The following FCSK variants were observed in gnomAD, a reference collection of about 807,000 sequenced individuals.
The protein encoded by FCSK is fucose kinase, also known as L-fucose kinase.
FCSK carries 123 observed loss-of-function variants against 122.5 expected under a neutral mutation model. The observed-to-expected ratio is 1.00, with a 90% CI of 0.87 to 1.17. The LOEUF (loss-of-function observed/expected upper bound fraction) is 1.17, where lower values mean the gene tolerates loss of function less well. Ranked by LOEUF, FCSK falls within the 50% of genes most tolerant of loss-of-function variation. The pLI, the probability that FCSK is intolerant of heterozygous loss-of-function variation, is 0.00. For missense variants in FCSK, 1,366 were observed against 1,450.4 expected, an observed-to-expected ratio of 0.94 and a Z score of 0.95; for synonymous variants, 620 against 625.5, an observed-to-expected ratio of 0.99 and a Z score of 0.13.
chr16:70,471,801 G>A (rs528918466), intron 13 of FCSK, among the ~76,000 whole-genome samples: 1 of 148,418 alleles, frequency 6.7e-6, no homozygotes, highest in African/African-American at 2.6e-5. Context: ...GTCTGGTTGG[G>A]TGGGGTTGTT....
chr16:70,470,153 C>G (rs2048564675), intron 10 of FCSK, among the ~76,000 whole-genome samples, 161 bp from the exon 11 acceptor site: 1 of 152,202 alleles, frequency 6.6e-6, no homozygotes, highest in Non-Finnish European at 1.5e-5. Context: ...AACCTGTCTA[C>G]TTTCTAGCTG....
chr16:70,461,203 C>G (rs1157243944), intron 1 of FCSK, among the ~76,000 whole-genome samples: 2 of 152,186 alleles, frequency 1.3e-5, no homozygotes, highest in African/African-American at 4.8e-5. Context: ...GTCACTTTGG[C>G]TGGGGTGTGG....
In FCSK at chr16:70,473,329, C is replaced by T; in HGVS notation, c.1753C>T (p.Pro585Ser). ...WAAVREGCPG[P>S]LLATLDQVAA... ...TGCTGTCCGCGAGGGCTGCCCCGGG[C>T]CCCTGCTGGCCACGCTGGACCAGGG... is the stretch of plus-strand genomic sequence containing the variant. Residue 585 changes from proline (P) to serine (S), a missense_variant, in exon 15 of 24, where the codon CCC (proline) becomes TCC (serine). Pro to Ser is a moderately conservative substitution (Grantham distance 74). Transcript: ENST00000288078. The surrounding 1 kb of genome is among the most constrained non-coding windows in gnomAD (Gnocchi z 4.9). 1 of 1,509,774 alleles carries T rather than the reference C, an allele frequency of 6.6e-7. No individual in the cohort carries two copies. Among genetic ancestry groups the T allele is most frequent in the Non-Finnish European group, 8.9e-7 (1 of 1,125,804 alleles). 93.5% of individuals were successfully genotyped at this position (1,509,774 alleles called of 1,614,324 possible). A position where few individuals can be genotyped will look rare whatever the true frequency, so the allele number is the denominator to read the frequency against.
intron 1 of FCSK, among the ~76,000 whole-genome samples, chr16:70,460,226 C>T (rs144611998): frequency 6.6e-6 from 1 of 151,226 alleles, no homozygotes. Context: ...ATTCTCTTGC[C>T]TCAGCCTCCC....
chr16:70,474,943 A>G lies in FCSK; in HGVS notation c.2309A>G (p.Glu770Gly). Residue 770 changes from glutamate (E) to glycine (G), a missense_variant, in exon 18 of 24, where the codon GAG becomes GGG. Physicochemically the swap from Glu to Gly is moderately conservative, Grantham distance 98. Coordinates refer to ENST00000288078, the MANE Select transcript of FCSK (RefSeq NM_145059.3). The stretch of plus-strand genomic sequence containing the variant: ...CTGGCGGTGGGGCCTCGGCAGGATG[A>G]GATGACTGTGAAGATAGTGTGCCGG... ...LWLAVGPRQD[E>G]MTVKIVCRCL... 1 of 1,611,718 alleles carries G rather than the reference A, an allele frequency of 6.2e-7. No individual in the cohort carries two copies. Among genetic ancestry groups the G allele is most frequent in the Non-Finnish European group, 8.5e-7 (1 of 1,179,360 alleles).
At position 70,469,417 on chromosome 16, in the gene FCSK, C is replaced by A. The variant is rs376700258; in HGVS notation, c.955+94C>A. The A allele has an allele frequency of 3.3e-4, 420 of 1,254,832 alleles. 1 individual carries two copies. In the African/African-American group the frequency reaches 4.2e-3, roughly 12 times the overall value. 77.7% of individuals were successfully genotyped at this position (1,254,832 alleles called of 1,614,324 possible). On this transcript the variant is annotated intron_variant, in intron 10 of 23. Coordinates refer to ENST00000288078, the MANE Select transcript of FCSK (RefSeq NM_145059.3). ...CTCACTGCATGCTGGGCCAGGCAGC[C>A]CAGCACAGGGACTGGGCAGTTCTCC...
Position 70,474,206 on chromosome 16 carries a change from G to C in FCSK, c.1855G>C (p.Glu619Gln), listed in dbSNP as rs2048721061. 6.3e-7 allele frequency: 1 copy of C among 1,586,070 alleles called. No homozygotes were observed. Among genetic ancestry groups the C allele is most frequent in the African/African-American group, 1.3e-5 (1 of 74,492 alleles). ...GGCGGACGTCCTGGGCTGCATGGCAGAGGGCCGTGGGGGCTTGCGGAGCGG... is the reference window on the plus strand; with the variant it reads ...GGCGGACGTCCTGGGCTGCATGGCACAGGGCCGTGGGGGCTTGCGGAGCGG... ...CVADVLGCMA[E>Q]GRGGLRSGPA... is the part of the protein sequence containing the mutation. The change falls in exon 16 of 24, where the codon GAG becomes CAG. Residue 619 changes from glutamate (E) to glutamine (Q), a missense_variant. Glu to Gln is a conservative substitution (Grantham distance 29, BLOSUM62 2). Coordinates refer to ENST00000288078, the MANE Select transcript of FCSK (RefSeq NM_145059.3).
chr16:70,479,809 A>G lies in FCSK; in HGVS notation c.*129A>G, dbSNP rs1597648018. On this transcript the variant is annotated 3_prime_UTR_variant, in exon 24 of 24. Transcript: ENST00000288078. ...AATCTGCTCCCAAAGGAAGCTGACC[A>G]GAGCAAGATCTGGGCAAGCAGAGAG... The G allele has an allele frequency of 1.6e-5, 11 of 679,152 alleles. No homozygotes were observed. The East Asian group carries it at 3.0e-4, about 19-fold the overall frequency. 42.1% of individuals were successfully genotyped at this position (679,152 alleles called of 1,614,324 possible).
Position 70,475,402 on chromosome 16 carries a change from G to A in FCSK, c.2430G>A (p.Ser810=), listed in dbSNP as rs1446418996. The change falls in exon 19 of 24, where the codon TCG becomes TCA. Residue 810 remains serine, a synonymous_variant. Transcript: ENST00000288078. ...GTGCAGGGATCGTGCATGTCCACTC[G>A]GAACTCCAGCTGAGTGAGCAGCTGC... ...FICAGIVHVH[S]ELQLSEQLLR... The A allele has an allele frequency of 3.1e-6, 5 of 1,610,260 alleles. No homozygotes were observed. The highest frequency in any genetic ancestry group is 1.7e-5 in the Admixed American group (1 of 60,008).
intron 22 of FCSK, 146 bp from the exon 23 acceptor site, chr16:70,479,034 G>A: frequency 4.4e-6 from 3 of 674,296 alleles, no homozygotes; most frequent in Non-Finnish European, 7.7e-6. Context: ...CTGGGAAGTG[G>A]GTTACTCCTG....
In FCSK at chr16:70,479,215, T is replaced by C. The variant is rs1255041654; in HGVS notation, c.2965T>C (p.Tyr989His). ...LPLLGQCLTS[Y>H]WEQKKLMAPG... ...TCTGCTGGGCCAGTGCCTGACCTCG[T>C]ACTGGGAGCAGAAGAAGCTCATGGC... Residue 989 changes from tyrosine to histidine, a missense_variant, in exon 23 of 24, where the codon TAC becomes CAC. Tyr to His is a moderately conservative substitution (Grantham distance 83). Coordinates refer to ENST00000288078, the MANE Select transcript of FCSK (RefSeq NM_145059.3). The C allele has an allele frequency of 6.2e-6, 10 of 1,613,618 alleles. No individual in the cohort carries two copies. The highest frequency in any genetic ancestry group is 8.5e-6 in the Non-Finnish European group (10 of 1,180,042).
At chr16:70,477,176 T>C (rs949056673) in intron 20 of FCSK, among the ~76,000 whole-genome samples, 27 of 152,330 alleles carry the variant, frequency 1.8e-4, no homozygotes, top group African/African-American at 6.0e-4. Flanking sequence ...TCAAGTTTTG[T>C]TATTTTTAAT....
In FCSK at chr16:70,474,675, G is replaced by A. The variant is rs1047381765; in HGVS notation, c.2136G>A (p.Pro712=). 13 of 1,601,210 alleles carry A rather than the reference G, an allele frequency of 8.1e-6. No individual in the cohort carries two copies. Among genetic ancestry groups the A allele is most frequent in the Admixed American group, 3.5e-5 (2 of 57,928 alleles). The change falls in exon 17 of 24, where the codon CCG becomes CCA. Residue 712 remains proline (P), a synonymous_variant. Transcript: ENST00000288078. ...GPGQWVVAEC[P]ARVDFSGGWS... Reference sequence around the variant, plus strand: ...GGCAGTGGGTGGTGGCTGAGTGCCCGGCCCGTGTGGATTTCTCTGGTGAGC... The same window carrying A: ...GGCAGTGGGTGGTGGCTGAGTGCCCAGCCCGTGTGGATTTCTCTGGTGAGC...
intron 9 of FCSK, 29 bp from the exon 10 acceptor site, chr16:70,469,123 A>G (rs1326846977): frequency 6.2e-7 from 1 of 1,613,452 alleles, no homozygotes; most frequent in Non-Finnish European, 8.5e-7. Flanking sequence ...CTGCCATGCC[A>G]ATAGCTGTGC....
rs187832845 is a variant in FCSK, at chr16:70,460,145, C to T, written c.-22-3024C>T. 2.0e-3 allele frequency among the ~76,000 whole-genome samples: 263 copies of T among 131,546 alleles called. 1 individual carries two copies. Among genetic ancestry groups the T allele is most frequent in the African/African-American group, 6.7e-3 (234 of 35,166 alleles). 86.3% of individuals were successfully genotyped at this position (131,546 alleles called of 152,430 possible). A position where few individuals can be genotyped will look rare whatever the true frequency, so the allele number is the denominator to read the frequency against. ...TTTTTGAGACGGTGTCTCGCTCTGT[C>T]GCCCAGGCTGGAGTGGAGTGCAGTG... On this transcript the variant is annotated intron_variant, in intron 1 of 23. Transcript: ENST00000288078.
Position 70,471,030 on chromosome 16 carries a change from C to G in FCSK, c.1128C>G (p.Val376=), listed in dbSNP as rs1021817146. The G allele has an allele frequency of 6.2e-7, 1 of 1,603,016 alleles. No homozygotes were observed. The highest frequency in any genetic ancestry group is 8.5e-7 in the Non-Finnish European group (1 of 1,176,902). The change falls in exon 12 of 24, where the codon GTC becomes GTG. Residue 376 remains valine, a synonymous_variant. Transcript: ENST00000288078. Reference sequence around the variant, plus strand: ...TCAGCTGCCTGCTGGAGGGCCCTGTCCAGCTGGGTCCTGGGAGCGTCCTGC... The same window carrying G: ...TCAGCTGCCTGCTGGAGGGCCCTGTGCAGCTGGGTCCTGGGAGCGTCCTGC... ...SVVSCLLEGP[V]QLGPGSVLQH...
intron 14 of FCSK, 73 bp downstream of exon 14, chr16:70,472,678 C>A (rs1043483207): frequency 1.6e-6 from 2 of 1,240,672 alleles, no homozygotes; most frequent in Admixed American, 2.1e-5. Flanking sequence ...AGGTGTGTCC[C>A]TCCCCTGCCC....
rs758086643 is a variant in FCSK at position 70,474,984 on chromosome 16, C to T, written c.2350C>T (p.Arg784Trp). The T allele has an allele frequency of 1.7e-5, 27 of 1,607,348 alleles. No homozygotes were observed. The highest frequency in any genetic ancestry group is 1.6e-4 in the East Asian group (7 of 44,584). ...KIVCRCLADL[R>W]DYCQPHAPGA... ...AGTGTGCCGGTGCCTGGCTGACCTG[C>T]GGGACTACTGCCAGCCTCATGCCCC... The change falls in exon 18 of 24, where the codon CGG becomes TGG. Residue 784 changes from arginine to tryptophan, a missense_variant. Physicochemically the swap from Arg to Trp is moderately radical, Grantham distance 101. Transcript: ENST00000288078.
chr16:70,466,330 T>G, intron 5 of FCSK, 73 bp downstream of exon 5: 1 of 1,567,692 alleles, frequency 6.4e-7, no homozygotes, highest in Non-Finnish European at 8.7e-7. Context: ...CCCCCAGGTA[T>G]GATCTATGCT....
Sources: allele counts gnomAD v4.1 joint callset (sites outside exome capture counted in the v4.1 genomes callset), GRCh38; gene constraint gnomAD v4.1.1; non-coding constraint Gnocchi (gnomAD v3.1); transcripts MANE v1.5; gene names NCBI Gene and HGNC (gene_info 2026-07-23, HGNC 2026-07-21).